The following GALNT2 variants were observed in gnomAD, a reference collection of about 807,000 sequenced individuals.
GALNT2 encodes the protein polypeptide N-acetylgalactosaminyltransferase 2, also known as UDP-GalNAc:polypeptide N-acetylgalactosaminyltransferase 2.
GALNT2 carries 31 observed loss-of-function variants against 81.4 expected under a neutral mutation model. That is an observed-to-expected ratio of 0.38 (90% confidence interval 0.29 to 0.51). The LOEUF (loss-of-function observed/expected upper bound fraction) is 0.51, where lower values mean the gene tolerates loss of function less well. Among genes scored for constraint, GALNT2 ranks in the 20% least tolerant of loss-of-function variants. GALNT2 has a pLI of 0.87. For synonymous variants in GALNT2, 303 were observed against 287.4 expected (o/e 1.05, Z -0.55); for missense variants, 629 against 765.7 (o/e 0.82, Z 2.11).
intron 1 of GALNT2, among the ~76,000 whole-genome samples, chr1:230,116,768 A>G (rs1440533532): frequency 6.6e-6 from 1 of 152,216 alleles, no homozygotes; most frequent in Admixed American, 6.5e-5. Context: ...ACCGTGCTGT[A>G]AACAGATGTG....
At chr1:230,176,618 T>C (rs1342104720) in intron 1 of GALNT2, among the ~76,000 whole-genome samples, 1 of 152,214 alleles carries the variant, frequency 6.6e-6, no homozygotes, top group Non-Finnish European at 1.5e-5. Context: ...CACATGTATC[T>C]CCTTACTTTG....
intron 1 of GALNT2, among the ~76,000 whole-genome samples, chr1:230,168,449 C>T (rs1346655458): frequency 3.3e-5 from 5 of 152,220 alleles, no homozygotes; most frequent in Admixed American, 6.5e-5. Flanking sequence ...CTTGCCCCTC[C>T]TGTCCCCGGA....
At chr1:230,231,527 T>C (rs1302295502) in intron 3 of GALNT2, among the ~76,000 whole-genome samples, 1 of 152,166 alleles carries the variant, frequency 6.6e-6, no homozygotes, top group East Asian at 1.9e-4. Flanking sequence ...AGAGCTTGCG[T>C]TTGGTTATTT....
intron 6 of GALNT2, among the ~76,000 whole-genome samples, chr1:230,239,556 A>C (rs969178369): frequency 6.6e-6 from 1 of 152,232 alleles, no homozygotes; most frequent in African/African-American, 2.4e-5. Flanking sequence ...AGACCAAGCC[A>C]GTCCAGTCTC....
intron 1 of GALNT2, among the ~76,000 whole-genome samples, chr1:230,130,567 G>T (rs75010204): frequency 7.2e-4 from 110 of 152,304 alleles, no homozygotes; most frequent in African/African-American, 2.2e-3. Flanking sequence ...CGTGAGTCAC[G>T]TGGTATCAGG....
intron 3 of GALNT2, among the ~76,000 whole-genome samples, chr1:230,203,943 G>C (rs1239745220): frequency 1.3e-5 from 2 of 150,086 alleles, no homozygotes; most frequent in African/African-American, 2.5e-5. Context: ...TCCCATCTCA[G>C]CCTCCTGAGT....
chr1:230,098,358 G>C (rs1382407257), intron 1 of GALNT2, among the ~76,000 whole-genome samples: 1 of 152,030 alleles, frequency 6.6e-6, no homozygotes, highest in African/African-American at 2.4e-5. Context: ...GCATGCATGT[G>C]AATTGTGTAG....
chr1:230,266,393 C>G (rs531529494), intron 14 of GALNT2, among the ~76,000 whole-genome samples: 69 of 152,310 alleles, frequency 4.5e-4, no homozygotes, highest in African/African-American at 1.5e-3. Flanking sequence ...GCTCTTACCC[C>G]CTTCCTGAAA....
intron 3 of GALNT2, among the ~76,000 whole-genome samples, chr1:230,213,900 T>C (rs1413355563): frequency 1.3e-5 from 2 of 152,130 alleles, no homozygotes; most frequent in African/African-American, 4.8e-5. Context: ...TAATTCTTTC[T>C]TTATAAACTC....
At chr1:230,239,267 C>T (rs555741727) in intron 6 of GALNT2, among the ~76,000 whole-genome samples, 19 of 152,078 alleles carry the variant, frequency 1.2e-4, no homozygotes, top group Non-Finnish European at 2.4e-4. Context: ...TATTAGGATT[C>T]TCCAAAAGGA....
chr1:230,279,657 C>T lies in GALNT2; in HGVS notation c.*199C>T, dbSNP rs1420990842. ...GGCAAGAAGCGAGAACTGCCCTCCC[C>T]CTCCTCTCGGTGCAGCCCAGCCGGG... On this transcript the variant is annotated 3_prime_UTR_variant, in exon 16 of 16. Transcript: ENST00000366672. The surrounding 1 kb of genome is among the most constrained non-coding windows in gnomAD (Gnocchi z 4.6). 4.5e-6 allele frequency: 3 copies of T among 663,960 alleles called. No individual in the cohort carries two copies. Among genetic ancestry groups the T allele is most frequent in the African/African-American group, 1.8e-5 (1 of 54,992 alleles). 41.1% of individuals were successfully genotyped at this position (663,960 alleles called of 1,614,324 possible).
chr1:230,266,121 G>C (rs1251639413), intron 14 of GALNT2, among the ~76,000 whole-genome samples: 1 of 152,182 alleles, frequency 6.6e-6, no homozygotes. Context: ...CTGAACCCGG[G>C]AGGCAGAGGT....
At chr1:230,245,190 G>A (rs537125659) in intron 7 of GALNT2, among the ~76,000 whole-genome samples, 69 of 151,984 alleles carry the variant, frequency 4.5e-4, no homozygotes, top group Non-Finnish European at 5.9e-4. Flanking sequence ...GGGGCTGGAC[G>A]CAGTGGCTCA....
chr1:230,121,948 C>CTT (rs11430880), intron 1 of GALNT2, among the ~76,000 whole-genome samples: 1,982 of 103,990 alleles, frequency 0.019, 114 homozygotes, highest in Admixed American at 0.05. Flanking sequence ...TACTGTTATG[C>CTT]TTTTTTTTTT....
chr1:230,085,223 C>T (rs1166296829), intron 1 of GALNT2, among the ~76,000 whole-genome samples: 3 of 152,164 alleles, frequency 2.0e-5, no homozygotes, highest in Non-Finnish European at 4.4e-5. Context: ...CTGACAGTGA[C>T]CCTGTGGGGC....
At chr1:230,066,973 G>A (rs1242827282), upstream of GALNT2, among the ~76,000 whole-genome samples, 1 of 149,508 alleles carries the variant, frequency 6.7e-6, no homozygotes, top group Non-Finnish European at 1.5e-5. Context: ...AGACGCGGCA[G>A]TCCCCTCCCG....
chr1:230,258,107 G>T (rs1665769169), intron 11 of GALNT2, among the ~76,000 whole-genome samples: 1 of 152,138 alleles, frequency 6.6e-6, no homozygotes, highest in African/African-American at 2.4e-5. Flanking sequence ...TAGAGACAGG[G>T]TTTCACCATG....
At chr1:230,261,574 C>A (rs1358816621) in intron 11 of GALNT2, among the ~76,000 whole-genome samples, 2 of 152,164 alleles carry the variant, frequency 1.3e-5, no homozygotes, top group Non-Finnish European at 2.9e-5. Context: ...TAAGATAATT[C>A]TTGGCAGAAT....
At chr1:230,259,956 A>G (rs1054486582) in intron 11 of GALNT2, among the ~76,000 whole-genome samples, 3 of 152,204 alleles carry the variant, frequency 2.0e-5, no homozygotes, top group East Asian at 1.9e-4. Context: ...CTATAAACTA[A>G]GTTTCTCCCA....
Sources: allele counts gnomAD v4.1 joint callset (sites outside exome capture counted in the v4.1 genomes callset), GRCh38; gene constraint gnomAD v4.1.1; non-coding constraint Gnocchi (gnomAD v3.1); transcripts MANE v1.5; gene names NCBI Gene and HGNC (gene_info 2026-07-23, HGNC 2026-07-21).